The following RIMBP2 variants were observed in gnomAD, a reference collection of about 807,000 sequenced individuals.
RIMBP2 encodes RIMS binding protein 2.
In RIMBP2, 48 loss-of-function variants were observed where a neutral mutation model predicts 118.6. The observed-to-expected ratio is 0.40, with a 90% CI of 0.32 to 0.51. RIMBP2 has a LOEUF of 0.51. Ranked by LOEUF, RIMBP2 falls within the 20% of genes least tolerant of loss-of-function variation. The probability of loss-of-function intolerance (pLI) is 0.41; values close to 1 mark genes in which losing one functional copy is unlikely to be tolerated. For missense variants in RIMBP2, 1,551 were observed against 1,768.3 expected, an observed-to-expected ratio of 0.88 and a Z score of 2.20; for synonymous variants, 762 against 742.9, an observed-to-expected ratio of 1.03 and a Z score of -0.42.
intron 4 of RIMBP2, among the ~76,000 whole-genome samples, chr12:130,481,536 G>A (rs553388241): frequency 8.5e-5 from 13 of 152,262 alleles, no homozygotes; most frequent in African/African-American, 2.9e-4. Context: ...TCAGAAGCTG[G>A]AATTACCCTG....
At chr12:130,560,522 C>T (rs936602234) in intron 2 of RIMBP2, among the ~76,000 whole-genome samples, 4 of 152,166 alleles carry the variant, frequency 2.6e-5, no homozygotes, top group Non-Finnish European at 5.9e-5. Context: ...GCAGTATGTG[C>T]TCTGCTCCCA....
intron 1 of RIMBP2, among the ~76,000 whole-genome samples, chr12:130,702,393 G>A (rs546056382): frequency 5.9e-5 from 9 of 152,078 alleles, no homozygotes; most frequent in East Asian, 1.9e-4. Context: ...GCACATGCCC[G>A]TAATCCCAGC....
intron 2 of RIMBP2, among the ~76,000 whole-genome samples, chr12:130,575,327 G>C (rs936701439): frequency 6.7e-6 from 1 of 150,152 alleles, no homozygotes; most frequent in Non-Finnish European, 1.5e-5. Flanking sequence ...TGGACATGCC[G>C]CAGAGGCAAG....
chr12:130,437,767 C>T (rs915209178), intron 12 of RIMBP2, among the ~76,000 whole-genome samples: 2 of 152,152 alleles, frequency 1.3e-5, no homozygotes, highest in Non-Finnish European at 1.5e-5. Context: ...CTGCAGGAAG[C>T]GGCTCAGGCA....
intron 4 of RIMBP2, among the ~76,000 whole-genome samples, chr12:130,490,256 G>A (rs1001345566): frequency 2.0e-5 from 3 of 150,666 alleles, no homozygotes; most frequent in Non-Finnish European, 3.0e-5. Flanking sequence ...ACAATTCTAA[G>A]TTAAAAAAAA....
intron 20 of RIMBP2, 53 bp from the exon 21 acceptor site, chr12:130,406,296 T>C (rs1342260325): frequency 5.6e-6 from 7 of 1,252,774 alleles, no homozygotes; most frequent in African/African-American, 1.5e-5. Flanking sequence ...ACAGTAGTAG[T>C]TTTTTAAAAA....
chr12:130,549,559 C>T (rs768935084), intron 2 of RIMBP2, among the ~76,000 whole-genome samples: 10 of 152,200 alleles, frequency 6.6e-5, no homozygotes, highest in Non-Finnish European at 1.2e-4. Context: ...CCCTTTGTGT[C>T]CACGTGTTCT....
chr12:130,483,975 A>G (rs1047658035), intron 4 of RIMBP2, among the ~76,000 whole-genome samples: 7 of 152,044 alleles, frequency 4.6e-5, no homozygotes, highest in African/African-American at 1.7e-4. Context: ...AGGGGCTGCG[A>G]GGGCTTCCGC....
Position 130,483,167 on chromosome 12 carries a change from A to G in RIMBP2, c.-3-4151T>C, listed in dbSNP as rs1244586684. ...CAGGGGAGGGGGCAGACCTCATCCA[A>G]ATACACCCACTGTGTGTGTACATGT... On this transcript the variant is annotated intron_variant, in intron 4 of 22. Transcript: ENST00000690449. Among the ~76,000 whole-genome samples, 390 of 100,328 alleles carry G rather than the reference A, an allele frequency of 3.9e-3. 39 individuals are homozygous for G. The highest frequency in any genetic ancestry group is 0.012 in the African/African-American group (353 of 28,360). The allele number at this position is 100,328 out of a possible 152,430, so 65.8% of individuals were successfully genotyped here.
chr12:130,697,450 G>A (rs1388229011), intron 1 of RIMBP2, among the ~76,000 whole-genome samples: 1 of 152,192 alleles, frequency 6.6e-6, no homozygotes, highest in Non-Finnish European at 1.5e-5. Context: ...TTGAGCCCAG[G>A]AGTTCAAGGC....
intron 11 of RIMBP2, among the ~76,000 whole-genome samples, chr12:130,439,759 CTG>C (rs1032267936): frequency 6.4e-5 from 6 of 93,854 alleles, no homozygotes; most frequent in African/African-American, 1.7e-4. Flanking sequence ...GTGGGGGTGT[CTG>C]TGTGTGTGTG....
rs2077714318 is a variant in RIMBP2, at chr12:130,438,403, T to C, written c.1618A>G (p.Asn540Asp). The change falls in exon 12 of 23, where the codon AAC becomes GAC. Residue 540 changes from asparagine (N) to aspartate (D), a missense_variant. Physicochemically the swap from Asn to Asp is conservative, Grantham distance 23. Around this residue, in one of 5 missense-constraint regions of RIMBP2, gnomAD observed 1,038 missense variants for 1,125.1 expected, o/e 0.92. Coordinates refer to ENST00000690449, the MANE Select transcript of RIMBP2 (RefSeq NM_001393629.1). ...GCATACACGCCGTAGCCGGTAACGT[T>C]TGCGCCATTGGACAGCCCGGTGGGC... is the stretch of plus-strand genomic sequence containing the variant. ...LTPTGLSNGA[N>D]VTGYGVYAKG... 6.2e-7 allele frequency: 1 copy of C among 1,607,798 alleles called. No individual in the cohort carries two copies.
At position 130,523,899 on chromosome 12, in the gene RIMBP2, G is replaced by A. The variant is rs916072146; in HGVS notation, c.-216-5982C>T. On this transcript the variant is annotated intron_variant, in intron 2 of 22. Coordinates refer to ENST00000690449, the MANE Select transcript of RIMBP2 (RefSeq NM_001393629.1). This position sits in a 1 kb window ranked among gnomAD's most constrained non-coding sequence, Gnocchi z 4.4. ...TCTGGTCTCAGAGGTGGGGAAGAGGGTCCACCCAGCACAAATACATAACAA... is the reference window on the plus strand; with the variant it reads ...TCTGGTCTCAGAGGTGGGGAAGAGGATCCACCCAGCACAAATACATAACAA... Among the ~76,000 whole-genome samples, 2 of 152,134 alleles carry A rather than the reference G, an allele frequency of 1.3e-5. No homozygotes were observed. Among genetic ancestry groups the A allele is most frequent in the Non-Finnish European group, 2.9e-5 (2 of 68,028 alleles).
intron 19 of RIMBP2, among the ~76,000 whole-genome samples, chr12:130,408,594 C>A (rs930515255): frequency 6.6e-6 from 1 of 152,186 alleles, no homozygotes; most frequent in Non-Finnish European, 1.5e-5. Context: ...GCGCTCCACA[C>A]AGATAACAGG....
chr12:130,542,788 A>G (rs547659619), intron 2 of RIMBP2, among the ~76,000 whole-genome samples: 1 of 152,360 alleles, frequency 6.6e-6, no homozygotes, highest in Middle Eastern at 3.4e-3. Flanking sequence ...TGGGACCCCA[A>G]GTTTTCCATG....
At chr12:130,440,921 T>C (rs1440340617) in intron 11 of RIMBP2, among the ~76,000 whole-genome samples, 1 of 152,110 alleles carries the variant, frequency 6.6e-6, no homozygotes, top group Non-Finnish European at 1.5e-5. Context: ...TCAGCAGCAC[T>C]GGGACCCTGG....
At chr12:130,649,574 T>C (rs995223141) in intron 1 of RIMBP2, among the ~76,000 whole-genome samples, 20 of 152,014 alleles carry the variant, frequency 1.3e-4, no homozygotes, top group Non-Finnish European at 1.5e-5. Context: ...AAATCCGGGG[T>C]GAACGGCTAG....
intron 1 of RIMBP2, among the ~76,000 whole-genome samples, chr12:130,679,717 A>G (rs2064680630): frequency 6.6e-6 from 1 of 152,346 alleles, no homozygotes. Context: ...CCTCAAATCC[A>G]TGTTTTCTGA....
At chr12:130,497,173 C>T (rs1026484727) in intron 4 of RIMBP2, among the ~76,000 whole-genome samples, 6 of 152,150 alleles carry the variant, frequency 3.9e-5, no homozygotes, top group Non-Finnish European at 7.4e-5. Flanking sequence ...CCCTGATGTG[C>T]GACCGCACCT....
Sources: gnomAD v4.1 joint callset for allele counts (sites outside exome capture counted in the v4.1 genomes callset) on GRCh38, gnomAD v4.1.1 for gene constraint, gnomAD v4.1.1 regional missense constraint, Gnocchi (gnomAD v3.1) non-coding constraint, MANE v1.5 for transcripts, NCBI Gene and HGNC (gene_info 2026-07-23, HGNC 2026-07-21) for gene names.